ZNF202: variants seen among roughly 807,000 people sequenced by gnomAD.
The protein encoded by ZNF202 is zinc finger protein 202.
In ZNF202, 22 loss-of-function variants were observed where a neutral mutation model predicts 54.5. The ratio of observed to expected loss-of-function variants is 0.40; its 90% confidence interval spans 0.29 to 0.58. ZNF202 has a LOEUF of 0.58. Ranked by LOEUF, ZNF202 falls within the 20% of genes least tolerant of loss-of-function variation. ZNF202 has a pLI of 0.39. For missense variants in ZNF202, 644 were observed against 805.5 expected (o/e 0.80, Z 2.43); for synonymous variants, 294 against 301.4 (o/e 0.98, Z 0.26).
chr11:123,729,885 G>A (rs35202671), intron 4 of ZNF202, 60 bp from the exon 5 acceptor site: 24 of 1,511,656 alleles, frequency 1.6e-5, no homozygotes, highest in Admixed American at 2.1e-5. Flanking sequence ...TGGTTGTCAC[G>A]GGAGCTTATT....
chr11:123,734,131 C>T (rs761332058), intron 3 of ZNF202, among the ~76,000 whole-genome samples: 2 of 151,740 alleles, frequency 1.3e-5, no homozygotes, highest in Non-Finnish European at 2.9e-5. Context: ...GACAGACACA[C>T]AGGGAGAGAC....
Position 123,725,745 on chromosome 11 carries a change from C to T in ZNF202, c.*252G>A, listed in dbSNP as rs949514849. ...CTACTTTATACCCATGAGGTAGAGG[C>T]AGGTGCACTCCAGTGAAGGAGAAGC... On this transcript the variant is annotated 3_prime_UTR_variant, in exon 9 of 9. Transcript: ENST00000530393. The T allele has an allele frequency of 4.1e-6, 2 of 483,482 alleles. No individual in the cohort carries two copies. The highest frequency in any genetic ancestry group is 3.8e-5 in the African/African-American group (2 of 52,132). 29.9% of individuals were successfully genotyped at this position (483,482 alleles called of 1,614,324 possible).
At position 123,729,541 on chromosome 11, in the gene ZNF202, AGAAATGTCCG is replaced by A. The variant is rs1861308381; in HGVS notation, c.613+64_613+73del. On this transcript the variant is annotated intron_variant, in intron 5 of 8. Transcript: ENST00000530393. ...ATCTACCCAGCTTCCTTGGTATAGG[AGAAATGTCCG>A]AGAAATGTCCCCCTCCTTGCCTGCC... 2.3e-5 allele frequency: 7 copies of A among 300,286 alleles called. No individual in the cohort carries two copies. In the African/African-American group the frequency reaches 7.0e-4, roughly 30 times the overall value. The allele number at this position is 300,286 out of a possible 1,614,324, so 18.6% of individuals were successfully genotyped here. A position where few individuals can be genotyped will look rare whatever the true frequency, so the allele number is the denominator to read the frequency against.
chr11:123,727,983 A>G (rs687335), intron 7 of ZNF202, 150 bp downstream of exon 7: 590,121 of 850,320 alleles, frequency 0.69, 206,213 homozygotes, highest in Middle Eastern at 0.8. Context: ...AAAGGACACC[A>G]TATTTTTCAC....
In ZNF202 at chr11:123,725,852, A is replaced by T; in HGVS notation, c.*145T>A. 2.1e-6 allele frequency: 2 copies of T among 930,480 alleles called. No homozygotes were observed. Among genetic ancestry groups the T allele is most frequent in the Non-Finnish European group, 3.1e-6 (2 of 640,790 alleles). 57.6% of individuals were successfully genotyped at this position (930,480 alleles called of 1,614,324 possible). The stretch of plus-strand genomic sequence containing the variant: ...AGAGGTTCTGCCCAGGCTCGTGTTT[A>T]GTTGCAGGAAGAGGTAATGTCAGAT... On this transcript the variant is annotated 3_prime_UTR_variant, in exon 9 of 9. Transcript: ENST00000530393.
chr11:123,731,785 T>C (rs1281910220), intron 3 of ZNF202, among the ~76,000 whole-genome samples: 1 of 152,250 alleles, frequency 6.6e-6, no homozygotes, highest in African/African-American at 2.4e-5. Context: ...AGAAGAGTGA[T>C]GGCACCAGCT....
chr11:123,727,735 T>C, intron 7 of ZNF202, 140 bp from the exon 8 acceptor site: 1 of 1,222,920 alleles, frequency 8.2e-7, no homozygotes, highest in Admixed American at 2.5e-5. Flanking sequence ...CTTTAGTTTG[T>C]GTACTTTTAA....
chr11:123,727,923 T>C (rs146123079), intron 7 of ZNF202, among the ~76,000 whole-genome samples: 15 of 152,352 alleles, frequency 9.8e-5, no homozygotes, highest in African/African-American at 3.4e-4. Flanking sequence ...ATATTACAAG[T>C]TTGTTTTCCT....
chr11:123,738,350 G>T (rs1038792281), intron 3 of ZNF202, among the ~76,000 whole-genome samples: 31 of 152,152 alleles, frequency 2.0e-4, no homozygotes, highest in Non-Finnish European at 2.2e-4. Flanking sequence ...TATACACCTG[G>T]CCATCATGGT....
rs1252148858 is a variant in ZNF202, at chr11:123,724,319, G to T, written c.*1678C>A. 1 of 152,220 alleles carries T rather than the reference G, an allele frequency of 6.6e-6. No individual in the cohort carries two copies. The highest frequency in any genetic ancestry group is 2.4e-5 in the African/African-American group (1 of 41,456). 9.4% of individuals were successfully genotyped at this position (152,220 alleles called of 1,614,324 possible). ...CCTGGAAAAGGAATGGGTAAGATGG[G>T]AAGTCCCAGAAACCAGGGAACTTGG... On this transcript the variant is annotated 3_prime_UTR_variant, in exon 9 of 9. Transcript: ENST00000530393.
rs1450356437 is a variant in ZNF202, at chr11:123,728,211, T to C, written c.754A>G (p.Ser252Gly). Residue 252 changes from serine to glycine, a missense_variant, in exon 7 of 9, where the codon AGT becomes GGT. Ser to Gly is a moderately conservative substitution (Grantham distance 56). Coordinates refer to ENST00000530393, the MANE Select transcript of ZNF202 (RefSeq NM_003455.4). ...TCTTTCTGTGTTGGGTCCAGATCAC[T>C]CCACTGGTCCTGGGAAAAGCATACG... ...VAVCFSQDQW[S>G]DLDPTQKEFY... The C allele has an allele frequency of 1.2e-6, 2 of 1,612,884 alleles. No homozygotes were observed. Among genetic ancestry groups the C allele is most frequent in the Non-Finnish European group, 1.7e-6 (2 of 1,179,324 alleles).
chr11:123,735,015 G>GA lies in ZNF202; in HGVS notation c.-97-4031dup, dbSNP rs35354577. 1.1e-3 allele frequency among the ~76,000 whole-genome samples: 158 copies of GA among 149,040 alleles called. No homozygotes were observed. The East Asian group carries it at 0.012, about 11-fold the overall frequency. On this transcript the variant is annotated intron_variant, in intron 3 of 8. Coordinates refer to ENST00000530393, the MANE Select transcript of ZNF202 (RefSeq NM_003455.4). The stretch of plus-strand genomic sequence containing the variant: ...GCAAGTCACACAACACTTGGCATTT[G>GA]AAAAAAAAAAAATCATTTTCCATTG...
rs535473412 is a variant in ZNF202 at position 123,736,674 on chromosome 11, G to C, written c.-98+3443C>G. Among the ~76,000 whole-genome samples, 7 of 152,258 alleles carry C rather than the reference G, an allele frequency of 4.6e-5. No homozygotes were observed. In the South Asian group the frequency reaches 1.5e-3, roughly 32 times the overall value. On this transcript the variant is annotated intron_variant, in intron 3 of 8. Coordinates refer to ENST00000530393, the MANE Select transcript of ZNF202 (RefSeq NM_003455.4). Reference sequence around the variant, plus strand: ...ACCTAAGCTTTCCACATAATGGTTAGTGGCCTTGGCACGCTGGGTTTGAAT... The same window carrying C: ...ACCTAAGCTTTCCACATAATGGTTACTGGCCTTGGCACGCTGGGTTTGAAT...
At chr11:123,727,619 A>T in intron 7 of ZNF202, 24 bp from the exon 8 acceptor site, 1 of 1,613,572 alleles carries the variant, frequency 6.2e-7, no homozygotes, top group Non-Finnish European at 8.5e-7. Flanking sequence ...GGAAAATAGG[A>T]TATCACGATT....
Position 123,730,438 on chromosome 11 carries a change from G to C in ZNF202, c.402+49C>G. Reference sequence around the variant, plus strand: ...CTCTCCCCGCAAATCCAGCCTTCCAGCAAATAGTCCCCCTCCACATCACAC... The same window carrying C: ...CTCTCCCCGCAAATCCAGCCTTCCACCAAATAGTCCCCCTCCACATCACAC... On this transcript the variant is annotated intron_variant, in intron 4 of 8. Coordinates refer to ENST00000530393, the MANE Select transcript of ZNF202 (RefSeq NM_003455.4). The surrounding 1 kb of genome is among the most constrained non-coding windows in gnomAD (Gnocchi z 6.0). 1 of 1,480,670 alleles carries C rather than the reference G, an allele frequency of 6.8e-7. No homozygotes were observed. Among genetic ancestry groups the C allele is most frequent in the Non-Finnish European group, 9.0e-7 (1 of 1,117,048 alleles). 91.7% of individuals were successfully genotyped at this position (1,480,670 alleles called of 1,614,324 possible).
At chr11:123,731,052 G>T (rs1456181959) in intron 3 of ZNF202, 67 bp from the exon 4 acceptor site, 2 of 734,922 alleles carry the variant, frequency 2.7e-6, no homozygotes, top group Non-Finnish European at 4.2e-6. Context: ...AACAGCCTGA[G>T]TTCAATCATA....
chr11:123,740,112 C>T lies in ZNF202; in HGVS notation c.-98+5G>A, dbSNP rs1466730989. On this transcript the variant is annotated splice_donor_5th_base_variant and intron_variant, in intron 3 of 8. Transcript: ENST00000530393. ...GGGAAAAAAAAATGTAAACCTGTAA[C>T]TTACCTCATCTGTACAATTTGCAAT... 1 of 152,208 alleles carries T rather than the reference C, an allele frequency of 6.6e-6. No individual in the cohort carries two copies. Among genetic ancestry groups the T allele is most frequent in the African/African-American group, 2.4e-5 (1 of 41,442 alleles). 9.4% of individuals were successfully genotyped at this position (152,208 alleles called of 1,614,324 possible). A position where few individuals can be genotyped will look rare whatever the true frequency, so the allele number is the denominator to read the frequency against.
At position 123,726,877 on chromosome 11, in the gene ZNF202, A is replaced by G. The variant is rs1412489077; in HGVS notation, c.1067T>C (p.Ile356Thr). The G allele has an allele frequency of 3.1e-6, 5 of 1,614,182 alleles. No homozygotes were observed. The highest frequency in any genetic ancestry group is 4.2e-6 in the Non-Finnish European group (5 of 1,180,030). Residue 356 changes from isoleucine to threonine, a missense_variant, in exon 9 of 9, where the codon ATA (isoleucine) becomes ACA (threonine). Ile to Thr is a moderately conservative substitution (Grantham distance 89, BLOSUM62 -1). This residue lies in a region of ZNF202 where 536 missense variants were observed against 635.3 expected (regional missense o/e 0.84). Coordinates refer to ENST00000530393, the MANE Select transcript of ZNF202 (RefSeq NM_003455.4). The surrounding 1 kb of genome is among the most constrained non-coding windows in gnomAD (Gnocchi z 6.0). ...TCTACCTGGATTGTCCTCAAAGACT[A>G]TTTCCCAATCTGGAGTCTGGTGAAT... ...PEIHQTPDWE[I>T]VFEDNPGRLN...
intron 4 of ZNF202, 78 bp from the exon 5 acceptor site, chr11:123,729,903 A>G: frequency 6.9e-7 from 1 of 1,440,806 alleles, no homozygotes; most frequent in Non-Finnish European, 9.3e-7. Context: ...ATTTTAGGAG[A>G]AGATGCCTAG....
Sources: gnomAD v4.1 joint callset for allele counts (sites outside exome capture counted in the v4.1 genomes callset) on GRCh38, gnomAD v4.1.1 for gene constraint, gnomAD v4.1.1 regional missense constraint, Gnocchi (gnomAD v3.1) non-coding constraint, MANE v1.5 for transcripts, NCBI Gene and HGNC (gene_info 2026-07-23, HGNC 2026-07-21) for gene names.